ANO4: variants seen among roughly 807,000 people sequenced by gnomAD.
The protein encoded by ANO4 is anoctamin 4.
ANO4 carries 69 observed loss-of-function variants against 141.9 expected under a neutral mutation model. The ratio of observed to expected loss-of-function variants is 0.49; its 90% CI spans 0.40 to 0.59. The LOEUF is 0.59. Among genes scored for constraint, ANO4 ranks in the 20% least tolerant of loss-of-function variants. The probability of loss-of-function intolerance (pLI) is 0.00; values close to 1 mark genes in which losing one functional copy is unlikely to be tolerated. For synonymous variants in ANO4, 350 were observed against 394.3 expected, an observed-to-expected ratio of 0.89 and a Z score of 1.33; for missense variants, 894 against 1,162.2, an observed-to-expected ratio of 0.77 and a Z score of 3.36.
At chr12:100,801,134 T>G (rs1240772074) in intron 1 of ANO4, among the ~76,000 whole-genome samples, 23 of 150,570 alleles carry the variant, frequency 1.5e-4, no homozygotes, top group African/African-American at 5.4e-4. Flanking sequence ...TCAAACAGAC[T>G]TTTTGTTTCT....
chr12:100,971,476 G>A, intron 6 of ANO4, 70 bp downstream of exon 6: 5 of 1,148,156 alleles, frequency 4.4e-6, no homozygotes, highest in Non-Finnish European at 6.2e-6. Flanking sequence ...TCCTCTCTCA[G>A]AACAAATAAA....
chr12:100,835,699 G>T (rs773443241), intron 1 of ANO4, among the ~76,000 whole-genome samples: 1 of 151,910 alleles, frequency 6.6e-6, no homozygotes, highest in Non-Finnish European at 1.5e-5. Context: ...TCTCTACAGG[G>T]CACTCAAGGA....
Position 101,079,273 on chromosome 12 carries a change from G to A in ANO4, c.1393G>A (p.Glu465Lys), listed in dbSNP as rs2136855537. ...GGATTTGATAGACTGGGAAGAAGAG[G>A]AGGTTTGTATCATTTACCTCAGAAT... ...DWDLIDWEEE[E>K]EEIRPQFEAK... Residue 465 changes from glutamate (E) to lysine (K), a missense_variant and splice_region_variant, in exon 15 of 28, where the codon GAG (glutamate) becomes AAG (lysine). By Grantham distance (56) the Glu-to-Lys change is moderately conservative. Coordinates refer to ENST00000392977, the MANE Select transcript of ANO4 (RefSeq NM_001286615.2). The A allele has an allele frequency of 1.2e-6, 2 of 1,613,140 alleles. No individual in the cohort carries two copies. Among genetic ancestry groups the A allele is most frequent in the East Asian group, 2.2e-5 (1 of 44,850 alleles).
chr12:100,874,880 T>G (rs545648985), intron 1 of ANO4, among the ~76,000 whole-genome samples: 7 of 152,210 alleles, frequency 4.6e-5, no homozygotes, highest in East Asian at 1.9e-4. Context: ...CCCCTTAGTT[T>G]TGGCTGATTT....
intron 9 of ANO4, among the ~76,000 whole-genome samples, chr12:101,025,112 C>T (rs1446614600): frequency 6.6e-6 from 1 of 152,158 alleles, no homozygotes; most frequent in Non-Finnish European, 1.5e-5. Flanking sequence ...GTTAAACTTC[C>T]ACTTCTGGCC....
chr12:101,056,438 G>A (rs2048120708), intron 14 of ANO4, among the ~76,000 whole-genome samples: 1 of 151,952 alleles, frequency 6.6e-6, no homozygotes, highest in South Asian at 2.1e-4. Context: ...TTTGTATATT[G>A]ACCATATATC....
At chr12:101,096,754 T>G in intron 19 of ANO4, 107 bp downstream of exon 19, 1 of 835,484 alleles carries the variant, frequency 1.2e-6, no homozygotes, top group Non-Finnish European at 1.9e-6. Context: ...TTATACAAAG[T>G]GTAAAAAGGG....
At chr12:100,931,477 TG>T (rs1415815752) in intron 3 of ANO4, among the ~76,000 whole-genome samples, 4 of 152,154 alleles carry the variant, frequency 2.6e-5, no homozygotes, top group African/African-American at 9.7e-5. Flanking sequence ...GGTATGGATT[TG>T]GGGTCTGAAT....
At chr12:100,803,876 G>T (rs2034839587) in intron 1 of ANO4, among the ~76,000 whole-genome samples, 2 of 152,014 alleles carry the variant, frequency 1.3e-5, no homozygotes, top group Admixed American at 6.6e-5. Context: ...ACCATGACTT[G>T]TCTCTCTGGT....
At chr12:101,067,857 C>T (rs559672602) in intron 14 of ANO4, among the ~76,000 whole-genome samples, 1 of 152,262 alleles carries the variant, frequency 6.6e-6, no homozygotes, top group South Asian at 2.1e-4. Context: ...AAAATTAGTA[C>T]TGAAGCTTAT....
At chr12:100,998,321 C>T (rs1371205982) in intron 8 of ANO4, among the ~76,000 whole-genome samples, 1 of 152,154 alleles carries the variant, frequency 6.6e-6, no homozygotes, top group East Asian at 1.9e-4. Context: ...CCTCGGCTTG[C>T]AGGCAGCCTA....
At chr12:100,757,656 G>A (rs369071453) in intron 3 of ANO4, among the ~76,000 whole-genome samples, 3 of 152,290 alleles carry the variant, frequency 2.0e-5, no homozygotes, top group South Asian at 2.1e-4. Context: ...CACTTGCTCC[G>A]TTAGTTCCTG....
intron 3 of ANO4, among the ~76,000 whole-genome samples, chr12:100,772,741 C>T (rs2033351148): frequency 6.6e-6 from 1 of 152,190 alleles, no homozygotes; most frequent in Admixed American, 6.5e-5. Context: ...TTCATTCTTC[C>T]TGGTCAGAAG....
rs1444644898 is a variant in ANO4, at chr12:100,779,455, C to T, written c.358+39350C>T. ...CTCAGAAGCATGAGATGCAGCTTTGCTTCTTGGCAATTTCTTTTTTATTCT... is the reference window on the plus strand; with the variant it reads ...CTCAGAAGCATGAGATGCAGCTTTGTTTCTTGGCAATTTCTTTTTTATTCT... On this transcript the variant is annotated intron_variant, in intron 3 of 29. Coordinates refer to the ANO4 transcript ENST00000644049. Among the ~76,000 whole-genome samples, 4 of 152,196 alleles carry T rather than the reference C, an allele frequency of 2.6e-5. No homozygotes were observed. The East Asian group carries it at 5.8e-4, about 22-fold the overall frequency.
intron 8 of ANO4, among the ~76,000 whole-genome samples, chr12:100,988,549 A>G (rs1202682308): frequency 6.0e-5 from 9 of 150,866 alleles, no homozygotes; most frequent in African/African-American, 2.2e-4. Context: ...GGATTTAAAA[A>G]AAAAAAAAAA....
intron 1 of ANO4, among the ~76,000 whole-genome samples, chr12:100,814,466 G>C (rs997499971): frequency 2.1e-5 from 3 of 143,998 alleles, no homozygotes; most frequent in Non-Finnish European, 4.6e-5. Context: ...AAAACAAGAG[G>C]GGCAGGGCCA....
At chr12:101,014,695 G>A (rs1296036813) in intron 8 of ANO4, among the ~76,000 whole-genome samples, 1 of 152,200 alleles carries the variant, frequency 6.6e-6, no homozygotes, top group African/African-American at 2.4e-5. Flanking sequence ...AAGGAGATGT[G>A]TGGATATAGG....
intron 2 of ANO4, among the ~76,000 whole-genome samples, chr12:100,918,767 AC>A (rs2136091560): frequency 6.6e-6 from 1 of 152,248 alleles, no homozygotes; most frequent in African/African-American, 2.4e-5. Flanking sequence ...TATATACTCT[AC>A]CTTTTATTGT....
intron 5 of ANO4, among the ~76,000 whole-genome samples, chr12:100,950,113 A>G (rs911834142): frequency 6.6e-6 from 1 of 152,128 alleles, no homozygotes; most frequent in Non-Finnish European, 1.5e-5. Context: ...AAGAACGACA[A>G]CATCCTCCCT....
Sources: gnomAD v4.1 joint callset for allele counts (sites outside exome capture counted in the v4.1 genomes callset) on GRCh38, gnomAD v4.1.1 for gene constraint, MANE v1.5 for transcripts, NCBI Gene and HGNC (gene_info 2026-07-23, HGNC 2026-07-21) for gene names.